The following IL36A variants were observed in gnomAD, a reference collection of about 807,000 sequenced individuals.
IL36A encodes interleukin 36 alpha.
A neutral mutation model predicts 12.7 loss-of-function variants in IL36A; 13 were observed. The ratio of observed to expected loss-of-function variants is 1.02; its 90% CI spans 0.67 to 1.63. The LOEUF (loss-of-function observed/expected upper bound fraction) is 1.63. Among genes scored for constraint, IL36A ranks in the 40% most tolerant of loss-of-function variants. IL36A has a pLI of 0.00. For synonymous variants in IL36A, 73 were observed against 71.9 expected (o/e 1.01, Z -0.08); for missense variants, 195 against 192.9 (o/e 1.01, Z -0.07).
intron 2 of IL36A, 54 bp from the exon 3 acceptor site, chr2:113,006,544 A>T (rs1684624527): frequency 1.2e-6 from 2 of 1,606,518 alleles, no homozygotes; most frequent in South Asian, 2.2e-5. Flanking sequence ...TCTGGCTCAG[A>T]GGTACCACCC....
At chr2:113,010,418 C>A (rs1363686746), downstream of IL36A, among the ~76,000 whole-genome samples, 1 of 152,178 alleles carries the variant, frequency 6.6e-6, no homozygotes, top group Non-Finnish European at 1.5e-5. Context: ...TTCCTCTAGA[C>A]CTGTGAGATG....
At chr2:113,007,278 G>A (rs1684642579) in intron 3 of IL36A, among the ~76,000 whole-genome samples, 1 of 152,162 alleles carries the variant, frequency 6.6e-6, no homozygotes, top group Non-Finnish European at 1.5e-5. Flanking sequence ...GGGTGATATT[G>A]CTCCAGGGAC....
intron 2 of IL36A, among the ~76,000 whole-genome samples, chr2:113,006,329 C>T (rs1684620587): frequency 2.0e-5 from 3 of 152,120 alleles, no homozygotes; most frequent in South Asian, 2.1e-4. Flanking sequence ...CAGTGGAAGA[C>T]GTATTCTGAG....
At chr2:113,010,425 G>C (rs1684710121), downstream of IL36A, among the ~76,000 whole-genome samples, 1 of 152,180 alleles carries the variant, frequency 6.6e-6, no homozygotes, top group Non-Finnish European at 1.5e-5. Flanking sequence ...AGACCTGTGA[G>C]ATGACCAAAA....
Position 113,005,882 on chromosome 2 carries a change from G to T in IL36A, c.10+1G>T. On this transcript the variant is annotated splice_donor_variant, in intron 1 of 3. Transcript: ENST00000259211. LOFTEE classifies it high-confidence loss of function. ...AACAACACCACCACAATGGAAAAAG[G>T]TAAAGATCCTCGTGGAAGGGCGAAA... The T allele has an allele frequency of 6.2e-7, 1 of 1,614,134 alleles. No individual in the cohort carries two copies. Among genetic ancestry groups the T allele is most frequent in the Non-Finnish European group, 8.5e-7 (1 of 1,179,998 alleles).
At chr2:113,010,600 C>A (rs1249001838), downstream of IL36A, among the ~76,000 whole-genome samples, 1 of 152,130 alleles carries the variant, frequency 6.6e-6, no homozygotes, top group Non-Finnish European at 1.5e-5. Flanking sequence ...CTGGAAGAAG[C>A]AATTCAACTT....
chr2:113,010,368 A>G (rs140368390), downstream of IL36A, among the ~76,000 whole-genome samples: 23 of 152,364 alleles, frequency 1.5e-4, no homozygotes, highest in East Asian at 4.2e-3. Context: ...CCTACAAAAA[A>G]GTAGAACTGT....
At chr2:113,006,452 G>T (rs1287503560) in intron 2 of IL36A, 146 bp from the exon 3 acceptor site, 1 of 810,498 alleles carries the variant, frequency 1.2e-6, no homozygotes, top group African/African-American at 1.7e-5. Context: ...ACATAGGATG[G>T]GTGTCCCGGT....
In IL36A at chr2:113,007,986, T is replaced by A. The variant is rs749200932; in HGVS notation, c.419T>A (p.Leu140His). 1 of 1,614,238 alleles carries A rather than the reference T, an allele frequency of 6.2e-7. No individual in the cohort carries two copies. Among genetic ancestry groups the A allele is most frequent in the East Asian group, 2.2e-5 (1 of 44,888 alleles). The change falls in exon 4 of 4, where the codon CTT (leucine) becomes CAT (histidine). Residue 140 changes from leucine to histidine, a missense_variant. Transcript: ENST00000259211. Reference sequence around the variant, plus strand: ...TCTGAAGGAGGCTGTCCTCTCATCCTTACCCAAGAACTGGGGAAAGCCAAC... The same window carrying A: ...TCTGAAGGAGGCTGTCCTCTCATCCATACCCAAGAACTGGGGAAAGCCAAC... ...VSSEGGCPLI[L>H]TQELGKANTT...
rs1684607775 is a variant in IL36A, at chr2:113,005,958, T to G, written c.11-16T>G. On this transcript the variant is annotated splice_polypyrimidine_tract_variant and intron_variant, in intron 1 of 3. Coordinates refer to ENST00000259211, the MANE Select transcript of IL36A (RefSeq NM_014440.3). ...GCTCTCATTCTTACTAATTTACATT[T>G]TGACTTTCTCAACAGCATTGAAAAT... The G allele has an allele frequency of 1.2e-6, 2 of 1,612,088 alleles. No individual in the cohort carries two copies. The highest frequency in any genetic ancestry group is 1.1e-5 in the South Asian group (1 of 91,036).
At chr2:113,006,410 G>T (rs571505900) in intron 2 of IL36A, among the ~76,000 whole-genome samples, 188 bp from the exon 3 acceptor site, 1 of 152,220 alleles carries the variant, frequency 6.6e-6, no homozygotes, top group Non-Finnish European at 1.5e-5. Flanking sequence ...ATCCATGAAA[G>T]ACTGACTTTT....
chr2:113,007,742 C>T (rs1684651140), intron 3 of IL36A, 90 bp from the exon 4 acceptor site: 2 of 1,028,454 alleles, frequency 1.9e-6, no homozygotes, highest in Non-Finnish European at 3.1e-6. Flanking sequence ...GTAGGGAATG[C>T]TATCCTTGGA....
At position 113,005,703 on chromosome 2, in the gene IL36A, G is replaced by A; in HGVS notation, c.-169G>A. 1 of 707,028 alleles carries A rather than the reference G, an allele frequency of 1.4e-6. No individual in the cohort carries two copies. The highest frequency in any genetic ancestry group is 1.7e-5 in the South Asian group (1 of 59,610). The allele number at this position is 707,028 out of a possible 1,614,324, so 43.8% of individuals were successfully genotyped here. On this transcript the variant is annotated 5_prime_UTR_variant, in exon 1 of 4. Coordinates refer to ENST00000259211, the MANE Select transcript of IL36A (RefSeq NM_014440.3). ...ATCCAACAAAGTAAGGGTGCTGGGT[G>A]AGTTCTGGGAGTATAGATTCTGACT...
Position 113,005,735 on chromosome 2 carries a change from A to G in IL36A, c.-137A>G, listed in dbSNP as rs1016778602. The G allele has an allele frequency of 4.0e-5, 36 of 896,458 alleles. No individual in the cohort carries two copies. The Middle Eastern group carries it at 1.4e-3, about 36-fold the overall frequency. 55.5% of individuals were successfully genotyped at this position (896,458 alleles called of 1,614,324 possible). On this transcript the variant is annotated 5_prime_UTR_variant, in exon 1 of 4. Coordinates refer to ENST00000259211, the MANE Select transcript of IL36A (RefSeq NM_014440.3). Reference sequence around the variant, plus strand: ...GGGAGTATAGATTCTGACTGGGGTCACTGCTGGGCTGGCCGCCAGTCTTTC... The same window carrying G: ...GGGAGTATAGATTCTGACTGGGGTCGCTGCTGGGCTGGCCGCCAGTCTTTC...
In IL36A at chr2:113,007,928, G is replaced by A. The variant is rs1229009483; in HGVS notation, c.361G>A (p.Val121Met). ...TGGCAGGAACTCCACCTTCGAGTCT[G>A]TGGCTTTCCCTGGCTGGTTCATCGC... Reference protein sequence around the residue: ...QSGRNSTFESVAFPGWFIAVS... With the variant: ...QSGRNSTFESMAFPGWFIAVS... Residue 121 changes from valine (V) to methionine (M), a missense_variant, in exon 4 of 4, where the codon GTG becomes ATG. Transcript: ENST00000259211. 6.2e-7 allele frequency: 1 copy of A among 1,614,078 alleles called. No homozygotes were observed. Among genetic ancestry groups the A allele is most frequent in the Non-Finnish European group, 8.5e-7 (1 of 1,180,038 alleles).
intron 2 of IL36A, 152 bp downstream of exon 2, chr2:113,006,239 G>A (rs1350422724): frequency 3.0e-6 from 2 of 660,494 alleles, no homozygotes; most frequent in Admixed American, 2.3e-5. Flanking sequence ...GTGAGCATAA[G>A]GTTGTTCTGG....
In IL36A at chr2:113,005,967, T is replaced by G; in HGVS notation, c.11-7T>G. 6.2e-7 allele frequency: 1 copy of G among 1,612,556 alleles called. No individual in the cohort carries two copies. On this transcript the variant is annotated splice_region_variant and splice_polypyrimidine_tract_variant and intron_variant, in intron 1 of 3. Coordinates refer to ENST00000259211, the MANE Select transcript of IL36A (RefSeq NM_014440.3). ...CTTACTAATTTACATTTTGACTTTC[T>G]CAACAGCATTGAAAATTGACACACC...
downstream of IL36A, among the ~76,000 whole-genome samples, chr2:113,009,701 C>T (rs997902083): frequency 3.9e-5 from 6 of 152,194 alleles, no homozygotes; most frequent in Non-Finnish European, 1.5e-5. Context: ...TTCTCCAGGC[C>T]TCACTACTGG....
chr2:113,009,011 C>T (rs888413694), downstream of IL36A, among the ~76,000 whole-genome samples: 2 of 139,998 alleles, frequency 1.4e-5, no homozygotes, highest in African/African-American at 5.3e-5. Context: ...TGATGTTCCC[C>T]TTCCTGTGTC....
Sources: gnomAD v4.1 joint callset for allele counts (sites outside exome capture counted in the v4.1 genomes callset) on GRCh38, gnomAD v4.1.1 for gene constraint, MANE v1.5 for transcripts, NCBI Gene and HGNC (gene_info 2026-07-23, HGNC 2026-07-21) for gene names.